DYNC1I1: variants seen among roughly 807,000 people sequenced by gnomAD.
The protein encoded by DYNC1I1 is cytoplasmic dynein 1 intermediate chain 1.
DYNC1I1 carries 43 observed loss-of-function variants against 86.6 expected under a neutral mutation model. The ratio of observed to expected loss-of-function variants is 0.50; its 90% CI spans 0.39 to 0.64. The LOEUF is 0.64. Among genes scored for constraint, DYNC1I1 ranks in the 30% least tolerant of loss-of-function variants. The pLI, the probability that DYNC1I1 is intolerant of heterozygous loss-of-function variation, is 0.00. For missense variants in DYNC1I1, 604 were observed against 788.8 expected (o/e 0.77, Z 2.81); for synonymous variants, 262 against 283.7 (o/e 0.92, Z 0.77).
At chr7:95,903,072 C>T (rs12536738) in intron 6 of DYNC1I1, among the ~76,000 whole-genome samples, 11,762 of 152,148 alleles carry the variant, frequency 0.077, 729 homozygotes, top group Admixed American at 0.22. Context: ...GGTGCAGCCT[C>T]ATCTGGAGTG....
At chr7:96,032,926 G>T in intron 12 of DYNC1I1, 146 bp downstream of exon 12, 1 of 628,560 alleles carries the variant, frequency 1.6e-6, no homozygotes, top group Non-Finnish European at 2.7e-6. Flanking sequence ...CCTGCTTTCA[G>T]CAATCTTCTC....
At chr7:96,048,832 C>A (rs1326219788) in intron 14 of DYNC1I1, among the ~76,000 whole-genome samples, 1 of 152,130 alleles carries the variant, frequency 6.6e-6, no homozygotes, top group Non-Finnish European at 1.5e-5. Context: ...TATTTGAAAC[C>A]CCAAATTAAT....
intron 6 of DYNC1I1, among the ~76,000 whole-genome samples, chr7:95,891,530 A>T (rs745681697): frequency 7.2e-5 from 11 of 152,230 alleles, no homozygotes; most frequent in Non-Finnish European, 1.5e-4. Context: ...ATCAGGGGAC[A>T]CTATTGGTGT....
chr7:95,869,033 C>A (rs886635499), intron 5 of DYNC1I1, among the ~76,000 whole-genome samples: 2 of 152,292 alleles, frequency 1.3e-5, no homozygotes, highest in East Asian at 3.9e-4. Flanking sequence ...AGGAAAACAA[C>A]GGACCAAGAC....
chr7:95,937,849 C>A (rs1792089553), intron 6 of DYNC1I1, among the ~76,000 whole-genome samples: 1 of 151,816 alleles, frequency 6.6e-6, no homozygotes, highest in Admixed American at 6.6e-5. Context: ...TACAACCAAC[C>A]ATAAACACAG....
chr7:95,977,189 T>G (rs1400138273), intron 6 of DYNC1I1, among the ~76,000 whole-genome samples: 1 of 152,194 alleles, frequency 6.6e-6, no homozygotes, highest in East Asian at 1.9e-4. Flanking sequence ...AATCTGTTCC[T>G]GGGCCATCTT....
At chr7:95,899,616 G>A (rs1790981309) in intron 6 of DYNC1I1, among the ~76,000 whole-genome samples, 1 of 152,166 alleles carries the variant, frequency 6.6e-6, no homozygotes, top group Non-Finnish European at 1.5e-5. Flanking sequence ...AGCAGTTGGT[G>A]GAGAGAGTGA....
At chr7:95,921,026 CAATT>C (rs762650594) in intron 6 of DYNC1I1, among the ~76,000 whole-genome samples, 8 of 152,300 alleles carry the variant, frequency 5.3e-5, no homozygotes, top group Admixed American at 1.3e-4. Context: ...GGTTTAGAAA[CAATT>C]AAATGGTCTC....
At chr7:96,017,485 T>G (rs1010492560) in intron 10 of DYNC1I1, among the ~76,000 whole-genome samples, 6 of 152,188 alleles carry the variant, frequency 3.9e-5, no homozygotes, top group Non-Finnish European at 7.3e-5. Flanking sequence ...TGAGCATTAT[T>G]GTCAGATATT....
chr7:95,899,712 C>T (rs1411126520), intron 6 of DYNC1I1, among the ~76,000 whole-genome samples: 1 of 152,152 alleles, frequency 6.6e-6, no homozygotes, highest in Non-Finnish European at 1.5e-5. Flanking sequence ...TTAGAAACCA[C>T]CACTTTCATT....
chr7:95,895,074 T>C (rs1790845681), intron 6 of DYNC1I1, among the ~76,000 whole-genome samples: 1 of 152,210 alleles, frequency 6.6e-6, no homozygotes, highest in Non-Finnish European at 1.5e-5. Context: ...AAAGCTGCAG[T>C]GGATCAGACT....
At chr7:96,053,020 CT>C (rs1222638449) in intron 14 of DYNC1I1, among the ~76,000 whole-genome samples, 2 of 152,138 alleles carry the variant, frequency 1.3e-5, no homozygotes, top group Non-Finnish European at 2.9e-5. Context: ...AGAGTAACCC[CT>C]GGATACATCA....
At chr7:95,830,211 T>C (rs934930781) in intron 5 of DYNC1I1, among the ~76,000 whole-genome samples, 3 of 152,162 alleles carry the variant, frequency 2.0e-5, no homozygotes, top group Non-Finnish European at 4.4e-5. Flanking sequence ...TACTGAAGTA[T>C]AACTGGCTTT....
At chr7:96,039,507 C>A in intron 14 of DYNC1I1, 86 bp downstream of exon 14, 3 of 1,568,564 alleles carry the variant, frequency 1.9e-6, no homozygotes, top group Non-Finnish European at 2.6e-6. Context: ...GTCCCTAAAG[C>A]CTCTTCCAGG....
intron 6 of DYNC1I1, among the ~76,000 whole-genome samples, chr7:95,932,162 T>C (rs1791916458): frequency 6.6e-6 from 1 of 152,238 alleles, no homozygotes; most frequent in South Asian, 2.1e-4. Flanking sequence ...CATAGCAGGA[T>C]AAAGTTAAAC....
In DYNC1I1 at chr7:95,772,669, C is replaced by A. The variant is rs1325046134; in HGVS notation, c.-114C>A. 4 of 152,432 alleles carry A rather than the reference C, an allele frequency of 2.6e-5. No homozygotes were observed. Among genetic ancestry groups the A allele is most frequent in the Non-Finnish European group, 5.9e-5 (4 of 68,112 alleles). The allele number at this position is 152,432 out of a possible 1,614,324, so 9.4% of individuals were successfully genotyped here. A position where few individuals can be genotyped will look rare whatever the true frequency, so the allele number is the denominator to read the frequency against. On this transcript the variant is annotated 5_prime_UTR_variant, in exon 1 of 17. Transcript: ENST00000447467. ...AGCGTGAGACAGCACATCCTGCCCG[C>A]GCCGGCCCCGCCACCTTCGGGAGCC... is the stretch of plus-strand genomic sequence containing the variant.
Position 95,992,784 on chromosome 7 carries a change from T to G in DYNC1I1, c.844-3164T>G, listed in dbSNP as rs1339068843. On this transcript the variant is annotated intron_variant, in intron 9 of 16. Coordinates refer to ENST00000447467, the MANE Select transcript of DYNC1I1 (RefSeq NM_001135556.2). ...ACAGGCACACACAACCTGGCTAATTTTTGTATTTTTAGTAGAGAAGGGGTT... is the reference window on the plus strand; with the variant it reads ...ACAGGCACACACAACCTGGCTAATTGTTGTATTTTTAGTAGAGAAGGGGTT... Among the ~76,000 whole-genome samples, 5 of 152,174 alleles carry G rather than the reference T, an allele frequency of 3.3e-5. No homozygotes were observed. The East Asian group carries it at 9.7e-4, about 29-fold the overall frequency.
chr7:95,943,730 A>G (rs1792309024), intron 6 of DYNC1I1, among the ~76,000 whole-genome samples: 1 of 151,372 alleles, frequency 6.6e-6, no homozygotes, highest in Admixed American at 6.6e-5. Context: ...CATATCTACA[A>G]CTATCTGATC....
chr7:96,038,528 G>GA (rs1267395064), intron 13 of DYNC1I1, among the ~76,000 whole-genome samples: 1 of 152,126 alleles, frequency 6.6e-6, no homozygotes, highest in African/African-American at 2.4e-5. Context: ...AAAAAGGACT[G>GA]AGACATAAGT....
Sources: allele counts gnomAD v4.1 joint callset (sites outside exome capture counted in the v4.1 genomes callset), GRCh38; gene constraint gnomAD v4.1.1; transcripts MANE v1.5; gene names NCBI Gene and HGNC (gene_info 2026-07-23, HGNC 2026-07-21).